ADD3: variants seen among roughly 807,000 people sequenced by gnomAD.
ADD3 encodes adducin 3.
In ADD3, 25 loss-of-function variants were observed where a neutral mutation model predicts 80.2. The observed-to-expected ratio is 0.31, with a 90% CI of 0.23 to 0.44. ADD3 has a LOEUF of 0.44. Among genes scored for constraint, ADD3 ranks in the 20% least tolerant of loss-of-function variants. The pLI, the probability that ADD3 is intolerant of heterozygous loss-of-function variation, is 1.00. For missense variants in ADD3, 829 were observed against 847.5 expected (o/e 0.98, Z 0.27); for synonymous variants, 284 against 289.6 (o/e 0.98, Z 0.20).
chr10:110,069,727 C>G (rs1023852370), intron 1 of ADD3, among the ~76,000 whole-genome samples: 1 of 152,112 alleles, frequency 6.6e-6, no homozygotes, highest in African/African-American at 2.4e-5. Context: ...GATGTGGTGT[C>G]AGATTACAAT....
At chr10:110,041,467 C>T (rs899338928) in intron 1 of ADD3, among the ~76,000 whole-genome samples, 1 of 152,140 alleles carries the variant, frequency 6.6e-6, no homozygotes, top group African/African-American at 2.4e-5. Context: ...TATCAGACCC[C>T]TTTGTGACTT....
chr10:110,085,407 A>C (rs910473705), intron 1 of ADD3, among the ~76,000 whole-genome samples: 49 of 152,124 alleles, frequency 3.2e-4, no homozygotes, highest in Non-Finnish European at 5.4e-4. Flanking sequence ...ATCCAGGTAA[A>C]CAGTCAGGAG....
intron 1 of ADD3, among the ~76,000 whole-genome samples, chr10:110,064,030 C>A (rs943080389): frequency 2.0e-5 from 3 of 151,772 alleles, no homozygotes; most frequent in African/African-American, 4.8e-5. Context: ...GCTTCTTTTG[C>A]CCAGCATTTT....
At chr10:110,105,743 T>G (rs1350621624) in intron 2 of ADD3, among the ~76,000 whole-genome samples, 2 of 152,214 alleles carry the variant, frequency 1.3e-5, no homozygotes, top group Non-Finnish European at 2.9e-5. Context: ...CAAAGGCATA[T>G]ACATTTTAGG....
intron 1 of ADD3, among the ~76,000 whole-genome samples, chr10:110,083,541 A>T (rs527821256): frequency 6.6e-6 from 1 of 151,862 alleles, no homozygotes; most frequent in Non-Finnish European, 1.5e-5. Flanking sequence ...ATAGAAGAAG[A>T]AGTATGGTGA....
At chr10:110,015,620 C>T (rs750431517) in intron 1 of ADD3, among the ~76,000 whole-genome samples, 9 of 151,984 alleles carry the variant, frequency 5.9e-5, no homozygotes, top group South Asian at 2.1e-4. Flanking sequence ...GTGATCCGTC[C>T]GCCTCGGCCT....
At chr10:110,010,765 G>T (rs1377479417) in intron 1 of ADD3, among the ~76,000 whole-genome samples, 1 of 152,204 alleles carries the variant, frequency 6.6e-6, no homozygotes, top group African/African-American at 2.4e-5. Flanking sequence ...TGGTTCTGAA[G>T]CCAGAGTCTG....
intron 1 of ADD3, among the ~76,000 whole-genome samples, chr10:110,048,617 C>T (rs1331435699): frequency 6.6e-6 from 1 of 152,174 alleles, no homozygotes. Flanking sequence ...AGCAAAGAGA[C>T]TGCCAGCATT....
At chr10:110,023,185 T>TGGTATTTGGA (rs1853883757) in intron 1 of ADD3, among the ~76,000 whole-genome samples, 1 of 152,090 alleles carries the variant, frequency 6.6e-6, no homozygotes, top group Non-Finnish European at 1.5e-5. Flanking sequence ...TGGTGTGTGA[T>TGGTATTTGGA]GGTATTTGGA....
chr10:110,003,477 G>A (rs1439749767), upstream of ADD3, among the ~76,000 whole-genome samples: 2 of 150,752 alleles, frequency 1.3e-5, no homozygotes, highest in Admixed American at 1.3e-4. Context: ...TATTTACATA[G>A]TGCTTTGAAA....
intron 1 of ADD3, among the ~76,000 whole-genome samples, chr10:110,039,685 A>G (rs1856064559): frequency 2.0e-5 from 3 of 152,258 alleles, no homozygotes; most frequent in Admixed American, 2.0e-4. Flanking sequence ...TCTGTGGAGC[A>G]GGAATCCAAG....
chr10:110,021,815 G>A (rs1047849378), intron 1 of ADD3, among the ~76,000 whole-genome samples: 2 of 152,016 alleles, frequency 1.3e-5, no homozygotes, highest in African/African-American at 2.4e-5. Flanking sequence ...GCAACATTGC[G>A]AATATACTGA....
At chr10:110,120,352 A>G (rs1851322778) in intron 8 of ADD3, among the ~76,000 whole-genome samples, 2 of 149,418 alleles carry the variant, frequency 1.3e-5, no homozygotes, top group South Asian at 4.3e-4. Context: ...GTGATAGTTT[A>G]CTGAGAATGA....
chr10:110,061,485 G>T (rs1010993890), intron 1 of ADD3, among the ~76,000 whole-genome samples: 9 of 152,122 alleles, frequency 5.9e-5, no homozygotes. Context: ...TCTTCAAGAA[G>T]TACTTTTGCA....
chr10:110,060,590 T>C (rs1236998265), intron 1 of ADD3, among the ~76,000 whole-genome samples: 1 of 152,350 alleles, frequency 6.6e-6, no homozygotes, highest in East Asian at 1.9e-4. Flanking sequence ...TGAGGACAAC[T>C]TCGGGACATT....
chr10:110,062,783 C>T (rs1353968882), intron 1 of ADD3, among the ~76,000 whole-genome samples: 1 of 152,128 alleles, frequency 6.6e-6, no homozygotes, highest in South Asian at 2.1e-4. Context: ...GTTTCCATAT[C>T]ACACTCTACC....
intron 1 of ADD3, among the ~76,000 whole-genome samples, chr10:110,009,812 A>G (rs568723278): frequency 2.6e-5 from 4 of 152,322 alleles, no homozygotes; most frequent in African/African-American, 9.6e-5. Context: ...GGGTGTATCT[A>G]TTTTGAATGT....
At chr10:110,043,838 G>A (rs1452572618) in intron 1 of ADD3, among the ~76,000 whole-genome samples, 2 of 152,178 alleles carry the variant, frequency 1.3e-5, no homozygotes, top group African/African-American at 2.4e-5. Context: ...TACAGATTAA[G>A]AGCTGTGGTA....
At chr10:110,077,543 A>G (rs909942444) in intron 1 of ADD3, among the ~76,000 whole-genome samples, 1 of 151,990 alleles carries the variant, frequency 6.6e-6, no homozygotes, top group African/African-American at 2.4e-5. Context: ...TCATTGAATT[A>G]AAAAAAAGGC....
Sources: allele counts gnomAD v4.1 joint callset (sites outside exome capture counted in the v4.1 genomes callset), GRCh38; gene constraint gnomAD v4.1.1; transcripts MANE v1.5; gene names NCBI Gene and HGNC (gene_info 2026-07-23, HGNC 2026-07-21).